SPRYD4: variants seen among roughly 807,000 people sequenced by gnomAD.
SPRYD4 encodes the protein SPRY domain-containing protein 4.
A neutral mutation model predicts 16.6 loss-of-function variants in SPRYD4; 12 were observed. That is an observed-to-expected ratio of 0.72 (90% CI 0.46 to 1.17). The LOEUF (loss-of-function observed/expected upper bound fraction) is 1.17, where lower values mean the gene tolerates loss of function less well. SPRYD4 is among the 50% of genes most tolerant of loss of function. SPRYD4 has a pLI of 0.00. For missense variants in SPRYD4, 260 were observed against 260.2 expected (o/e 1.00, Z 0.00); for synonymous variants, 98 against 105.4 (o/e 0.93, Z 0.43).
In SPRYD4 at chr12:56,469,217, C is replaced by G; in HGVS notation, c.264C>G (p.His88Gln). ...LADTAVTSGRHYWEVTVKRSQ... is the reference protein window; with the variant it reads ...LADTAVTSGRQYWEVTVKRSQ... ...ACACAGCGGTCACCAGTGGCAGACA[C>G]TACTGGGAAGTGACAGTGAAGCGCT... Residue 88 changes from histidine to glutamine, a missense_variant, in exon 2 of 2, where the codon CAC (histidine) becomes CAG (glutamine). Transcript: ENST00000338146. The G allele has an allele frequency of 6.2e-7, 1 of 1,614,106 alleles. No homozygotes were observed. The highest frequency in any genetic ancestry group is 1.3e-5 in the African/African-American group (1 of 75,032).
chr12:56,472,025 A>G lies in SPRYD4; in HGVS notation c.*2448A>G, dbSNP rs1869321566. 4.9e-6 allele frequency: 7 copies of G among 1,427,692 alleles called. No individual in the cohort carries two copies. The highest frequency in any genetic ancestry group is 1.2e-5 in the South Asian group (1 of 83,968). 88.4% of individuals were successfully genotyped at this position (1,427,692 alleles called of 1,614,324 possible). ...CTAGATAAAACTAGTTGCTGCCCCT[A>G]TAACCTTGAGGGCACATATAATGAA... On this transcript the variant is annotated 3_prime_UTR_variant, in exon 2 of 2. Transcript: ENST00000338146.
Position 56,473,336 on chromosome 12 carries a change from A to G in SPRYD4, c.*3759A>G. 6.2e-7 allele frequency: 1 copy of G among 1,613,670 alleles called. No homozygotes were observed. The highest frequency in any genetic ancestry group is 8.5e-7 in the Non-Finnish European group (1 of 1,179,716). On this transcript the variant is annotated 3_prime_UTR_variant, in exon 2 of 2. Coordinates refer to ENST00000338146, the MANE Select transcript of SPRYD4 (RefSeq NM_207344.4). ...ACACCAACTTCTAGAATTGTAAGCC[A>G]AATATATTGTTTATTTACTCCTTAC... is the stretch of plus-strand genomic sequence containing the variant.
At position 56,469,589 on chromosome 12, in the gene SPRYD4, C is replaced by T; in HGVS notation, c.*12C>T. On this transcript the variant is annotated 3_prime_UTR_variant, in exon 2 of 2. Transcript: ENST00000338146. Reference sequence around the variant, plus strand: ...CCGAGGGCCTCTAGTATGTCCATTACTGGAGTCCCTAATCACGCCTTTGGC... The same window carrying T: ...CCGAGGGCCTCTAGTATGTCCATTATTGGAGTCCCTAATCACGCCTTTGGC... 2 of 1,602,304 alleles carry T rather than the reference C, an allele frequency of 1.2e-6. No individual in the cohort carries two copies. The highest frequency in any genetic ancestry group is 1.7e-6 in the Non-Finnish European group (2 of 1,172,436).
chr12:56,469,461 GTC>G lies in SPRYD4; in HGVS notation c.512_513del (p.Ser171CysfsTer31), dbSNP rs1447990268. 1.9e-6 allele frequency: 3 copies of G among 1,614,148 alleles called. No homozygotes were observed. Among genetic ancestry groups the G allele is most frequent in the Non-Finnish European group, 2.5e-6 (3 of 1,180,032 alleles). ...QKLSLVDVSQ[V>X]SVVHTLQTDF... Reference sequence around the variant, plus strand: ...GCTGAGCCTGGTGGATGTGAGCCAGGTCTCTGTGGTTCACACGCTACAGACAG... The same window carrying G: ...GCTGAGCCTGGTGGATGTGAGCCAGGTCTGTGGTTCACACGCTACAGACAG... On this transcript the variant is annotated frameshift_variant, in exon 2 of 2. Coordinates refer to ENST00000338146, the MANE Select transcript of SPRYD4 (RefSeq NM_207344.4). LOFTEE classifies it high-confidence loss of function.
chr12:56,474,884 C>T lies in SPRYD4; in HGVS notation c.*5307C>T, dbSNP rs1457788947. The T allele has an allele frequency of 6.2e-7, 1 of 1,614,142 alleles. No homozygotes were observed. The highest frequency in any genetic ancestry group is 1.1e-5 in the South Asian group (1 of 91,076). On this transcript the variant is annotated 3_prime_UTR_variant, in exon 2 of 2. Transcript: ENST00000338146. ...TCAAGGGCAGCCATCATGTCCACCC[C>T]CTTAGGAAAGCACTGCAAGGAAGAG... is the stretch of plus-strand genomic sequence containing the variant.
chr12:56,475,037 TG>T lies in SPRYD4; in HGVS notation c.*5462del, dbSNP rs1869679922. 7 of 1,614,152 alleles carry T rather than the reference TG, an allele frequency of 4.3e-6. No individual in the cohort carries two copies. In the East Asian group the frequency reaches 1.6e-4, roughly 36 times the overall value. ...AGGGACTTTCTCTTCCGGCCTCTTCTGGTTACCTTCTTTTCCTTGAGATAAT... is the reference window on the plus strand; with the variant it reads ...AGGGACTTTCTCTTCCGGCCTCTTCTGTTACCTTCTTTTCCTTGAGATAAT... On this transcript the variant is annotated 3_prime_UTR_variant, in exon 2 of 2. Transcript: ENST00000338146.
At position 56,473,008 on chromosome 12, in the gene SPRYD4, G is replaced by C; in HGVS notation, c.*3431G>C. 1 of 585,108 alleles carries C rather than the reference G, an allele frequency of 1.7e-6. No homozygotes were observed. The highest frequency in any genetic ancestry group is 3.0e-6 in the Non-Finnish European group (1 of 338,156). 36.2% of individuals were successfully genotyped at this position (585,108 alleles called of 1,614,324 possible). A position where few individuals can be genotyped will look rare whatever the true frequency, so the allele number is the denominator to read the frequency against. ...GGTTTCAAGCGATTCTCCTGCCTCA[G>C]CCTCCCAAGTAGCTGGGACCACAGG... On this transcript the variant is annotated 3_prime_UTR_variant, in exon 2 of 2. Transcript: ENST00000338146.
chr12:56,474,978 C>T lies in SPRYD4; in HGVS notation c.*5401C>T. ...TCAGGGTCTCAGCTGAAGCCCCCAA[C>T]CCCTACTGCCCTTCCACTAGCAGCA... On this transcript the variant is annotated 3_prime_UTR_variant, in exon 2 of 2. Coordinates refer to ENST00000338146, the MANE Select transcript of SPRYD4 (RefSeq NM_207344.4). 6.2e-7 allele frequency: 1 copy of T among 1,613,790 alleles called. No homozygotes were observed. Among genetic ancestry groups the T allele is most frequent in the South Asian group, 1.1e-5 (1 of 91,064 alleles).
At position 56,469,607 on chromosome 12, in the gene SPRYD4, C is replaced by T. The variant is rs756679587; in HGVS notation, c.*30C>T. ...TCCATTACTGGAGTCCCTAATCACG[C>T]CTTTGGCCAGCCTCCTTTTGAAAGT... is the stretch of plus-strand genomic sequence containing the variant. On this transcript the variant is annotated 3_prime_UTR_variant, in exon 2 of 2. Transcript: ENST00000338146. 1.3e-5 allele frequency: 20 copies of T among 1,579,400 alleles called. No homozygotes were observed. The highest frequency in any genetic ancestry group is 1.8e-4 in the Middle Eastern group (1 of 5,640).
rs937115 is a variant in SPRYD4, at chr12:56,475,495, T to A, written c.*5918T>A. 24,405 of 934,784 alleles carry A rather than the reference T, an allele frequency of 0.026. 446 individuals carry two copies. The highest frequency in any genetic ancestry group is 0.06 in the Middle Eastern group (272 of 4,532). The allele number at this position is 934,784 out of a possible 1,614,324, so 57.9% of individuals were successfully genotyped here. On this transcript the variant is annotated 3_prime_UTR_variant, in exon 2 of 2. Transcript: ENST00000338146. Reference sequence around the variant, plus strand: ...GTTTATGAAGGGACTCAGAGGAAGCTGGAGGGCCAAAGTTCCCCTGGGATT... The same window carrying A: ...GTTTATGAAGGGACTCAGAGGAAGCAGGAGGGCCAAAGTTCCCCTGGGATT...
chr12:56,472,167 G>A lies in SPRYD4; in HGVS notation c.*2590G>A. ...GCTGTGCGCGAGTCATAGTCTTTCT[G>A]TTCCATATCCATGGCTGACAAGGCA... On this transcript the variant is annotated 3_prime_UTR_variant, in exon 2 of 2. Coordinates refer to ENST00000338146, the MANE Select transcript of SPRYD4 (RefSeq NM_207344.4). The A allele has an allele frequency of 6.2e-7, 1 of 1,614,186 alleles. No homozygotes were observed. Among genetic ancestry groups the A allele is most frequent in the Non-Finnish European group, 8.5e-7 (1 of 1,180,034 alleles).
At position 56,471,887 on chromosome 12, in the gene SPRYD4, T is replaced by C. The variant is rs369651460; in HGVS notation, c.*2310T>C. The C allele has an allele frequency of 6.4e-7, 1 of 1,574,524 alleles. No individual in the cohort carries two copies. The highest frequency in any genetic ancestry group is 8.7e-7 in the Non-Finnish European group (1 of 1,145,524). ...GAGAAGGCGCAGGTCTTGAACCCTTTGGTGCAGACACTTAGCCACTGAAGT... is the reference window on the plus strand; with the variant it reads ...GAGAAGGCGCAGGTCTTGAACCCTTCGGTGCAGACACTTAGCCACTGAAGT... On this transcript the variant is annotated 3_prime_UTR_variant, in exon 2 of 2. Coordinates refer to ENST00000338146, the MANE Select transcript of SPRYD4 (RefSeq NM_207344.4).
Position 56,473,808 on chromosome 12 carries a change from C to T in SPRYD4, c.*4231C>T. On this transcript the variant is annotated 3_prime_UTR_variant, in exon 2 of 2. Transcript: ENST00000338146. Reference sequence around the variant, plus strand: ...TAGAAAATATTTTTTGAAATACTTACAGCATTCTGTGCTAGATGCTGTGCT... The same window carrying T: ...TAGAAAATATTTTTTGAAATACTTATAGCATTCTGTGCTAGATGCTGTGCT... 1 of 571,898 alleles carries T rather than the reference C, an allele frequency of 1.7e-6. No individual in the cohort carries two copies. Among genetic ancestry groups the T allele is most frequent in the South Asian group, 3.0e-5 (1 of 33,852 alleles). The allele number at this position is 571,898 out of a possible 1,614,324, so 35.4% of individuals were successfully genotyped here. A position where few individuals can be genotyped will look rare whatever the true frequency, so the allele number is the denominator to read the frequency against.
Position 56,475,168 on chromosome 12 carries a change from G to A in SPRYD4, c.*5591G>A. On this transcript the variant is annotated 3_prime_UTR_variant, in exon 2 of 2. Transcript: ENST00000338146. The stretch of plus-strand genomic sequence containing the variant: ...TGGAGGAGTGGGTGTTGGGAGAAGG[G>A]GAAAAATTACCTTCCCTGGAGAGAC... The A allele has an allele frequency of 6.2e-7, 1 of 1,610,460 alleles. No homozygotes were observed. Among genetic ancestry groups the A allele is most frequent in the Non-Finnish European group, 8.5e-7 (1 of 1,179,982 alleles).
chr12:56,472,084 T>A lies in SPRYD4; in HGVS notation c.*2507T>A. On this transcript the variant is annotated 3_prime_UTR_variant, in exon 2 of 2. Transcript: ENST00000338146. ...TGGTGAAAAAGAAAGGGTCTTATGA[T>A]TACCCTCCTCCTCCCCTCCTTAACC... 5.0e-6 allele frequency: 8 copies of A among 1,605,558 alleles called. No individual in the cohort carries two copies. The highest frequency in any genetic ancestry group is 6.8e-6 in the Non-Finnish European group (8 of 1,172,820).
rs557023745 is a variant in SPRYD4 at position 56,471,163 on chromosome 12, G to A, written c.*1586G>A. The A allele has an allele frequency of 7.0e-6, 3 of 427,780 alleles. No individual in the cohort carries two copies. In the East Asian group the frequency reaches 1.0e-4, roughly 14 times the overall value. 26.5% of individuals were successfully genotyped at this position (427,780 alleles called of 1,614,324 possible). On this transcript the variant is annotated 3_prime_UTR_variant, in exon 2 of 2. Coordinates refer to ENST00000338146, the MANE Select transcript of SPRYD4 (RefSeq NM_207344.4). ...CCCTCCACCAGAGTATCTCTCTCATGATGGTTTCTTCAGGGAGAGGAAGAG... is the reference window on the plus strand; with the variant it reads ...CCCTCCACCAGAGTATCTCTCTCATAATGGTTTCTTCAGGGAGAGGAAGAG...
In SPRYD4 at chr12:56,469,068, G is replaced by T. The variant is rs1192463299; in HGVS notation, c.115G>T (p.Ala39Ser). The T allele has an allele frequency of 1.9e-6, 3 of 1,574,608 alleles. No homozygotes were observed. Among genetic ancestry groups the T allele is most frequent in the East Asian group, 4.5e-5 (2 of 44,436 alleles). Residue 39 changes from alanine (A) to serine (S), a missense_variant, in exon 2 of 2, where the codon GCC becomes TCC. Physicochemically the swap from Ala to Ser is moderately conservative, Grantham distance 99. Transcript: ENST00000338146. ...CAGTTTCAAACTGGAAGAAAAAACCGCCCACAGCAGCCTGGCACTCTTCAG... is the reference window on the plus strand; with the variant it reads ...CAGTTTCAAACTGGAAGAAAAAACCTCCCACAGCAGCCTGGCACTCTTCAG... Reference protein sequence around the residue: ...GVSFKLEEKTAHSSLALFRDD... With the variant: ...GVSFKLEEKTSHSSLALFRDD...
chr12:56,474,548 A>C lies in SPRYD4; in HGVS notation c.*4971A>C. ...ATAGCAGAGCCAGAAACTCACGTGG[A>C]AGGCAAACTGGCCAGAGAAGTCATA... On this transcript the variant is annotated 3_prime_UTR_variant, in exon 2 of 2. Transcript: ENST00000338146. 1 of 1,613,956 alleles carries C rather than the reference A, an allele frequency of 6.2e-7. No homozygotes were observed. Among genetic ancestry groups the C allele is most frequent in the Non-Finnish European group, 8.5e-7 (1 of 1,180,042 alleles).
rs1355974546 is a variant in SPRYD4 at position 56,474,164 on chromosome 12, C to G, written c.*4587C>G. The G allele has an allele frequency of 4.3e-6, 1 of 233,794 alleles. No individual in the cohort carries two copies. Among genetic ancestry groups the G allele is most frequent in the African/African-American group, 2.4e-5 (1 of 42,384 alleles). The allele number at this position is 233,794 out of a possible 1,614,324, so 14.5% of individuals were successfully genotyped here. ...CTACAGTGCAATGGCACAATCTCGGCTCAGTGCAACCTCTGCCTCCCAGGT... is the reference window on the plus strand; with the variant it reads ...CTACAGTGCAATGGCACAATCTCGGGTCAGTGCAACCTCTGCCTCCCAGGT... On this transcript the variant is annotated 3_prime_UTR_variant, in exon 2 of 2. Coordinates refer to ENST00000338146, the MANE Select transcript of SPRYD4 (RefSeq NM_207344.4).
Sources: gnomAD v4.1 joint callset for allele counts on GRCh38, gnomAD v4.1.1 for gene constraint, MANE v1.5 for transcripts, NCBI Gene and HGNC (gene_info 2026-07-23, HGNC 2026-07-21) for gene names.